The following NTRK3 variants were observed in gnomAD, a reference collection of about 807,000 sequenced individuals.
NTRK3 encodes NT-3 growth factor receptor.
NTRK3 carries 24 observed loss-of-function variants against 91.7 expected under a neutral mutation model. That is an observed-to-expected ratio of 0.26 (90% CI 0.19 to 0.37). NTRK3 has a LOEUF of 0.37. NTRK3 is among the 10% of genes least tolerant of loss of function. NTRK3 has a pLI of 1.00. For synonymous variants in NTRK3, 483 were observed against 404.0 expected (o/e 1.20, Z -2.34); for missense variants, 880 against 1,068.9 (o/e 0.82, Z 2.46).
chr15:88,120,534 C>T (rs775240203), intron 13 of NTRK3, among the ~76,000 whole-genome samples: 9 of 152,132 alleles, frequency 5.9e-5, no homozygotes, highest in South Asian at 2.1e-4. Flanking sequence ...CCTTCCTTCC[C>T]GGCCTTCCCA....
At chr15:87,996,390 G>T (rs1400834625) in intron 14 of NTRK3, among the ~76,000 whole-genome samples, 2 of 152,166 alleles carry the variant, frequency 1.3e-5, no homozygotes, top group African/African-American at 4.8e-5. Context: ...ATACATTAGG[G>T]CTGGGATCGC....
intron 14 of NTRK3, among the ~76,000 whole-genome samples, chr15:88,009,481 A>C (rs1406966157): frequency 2.0e-5 from 3 of 152,212 alleles, no homozygotes; most frequent in Non-Finnish European, 2.9e-5. Flanking sequence ...ATGCAAGCCA[A>C]TTTTGACAGA....
rs1011054993 is a variant in NTRK3 at position 88,240,832 on chromosome 15, T to C, written c.248+15074A>G. ...TCACTGTGATGAGCTCAGTTTTCTC[T>C]AGAAGATTCCTCCAACGGGCTGCCC... On this transcript the variant is annotated intron_variant, in intron 3 of 18. Transcript: ENST00000394480. This position sits in a 1 kb window ranked among gnomAD's most constrained non-coding sequence, Gnocchi z 4.9. 6.6e-6 allele frequency among the ~76,000 whole-genome samples: 1 copy of C among 152,224 alleles called. No individual in the cohort carries two copies. The highest frequency in any genetic ancestry group is 2.4e-5 in the African/African-American group (1 of 41,470).
chr15:88,032,299 C>T (rs927773205), intron 14 of NTRK3, among the ~76,000 whole-genome samples: 1 of 152,090 alleles, frequency 6.6e-6, no homozygotes, highest in African/African-American at 2.4e-5. Flanking sequence ...TGCCCTGAGC[C>T]CTCTGGTCTG....
intron 14 of NTRK3, chr15:87,979,209 G>A: frequency 1.3e-6 from 1 of 761,366 alleles, no homozygotes; most frequent in Non-Finnish European, 2.4e-6. Flanking sequence ...GTTAAAGGGT[G>A]CCGGGGCACT....
intron 13 of NTRK3, among the ~76,000 whole-genome samples, chr15:88,061,970 C>G (rs920022795): frequency 2.0e-5 from 3 of 151,840 alleles, no homozygotes; most frequent in Admixed American, 6.6e-5. Context: ...TTCAGCCAAC[C>G]GCAGATCAAA....
At chr15:88,072,402 A>C (rs969155429) in intron 13 of NTRK3, 3 of 215,308 alleles carry the variant, frequency 1.4e-5, no homozygotes, top group African/African-American at 4.5e-5. Flanking sequence ...GTTTTCTTTG[A>C]ATCAATTACA....
At chr15:88,155,097 A>C (rs1422419845) in intron 5 of NTRK3, among the ~76,000 whole-genome samples, 1 of 152,212 alleles carries the variant, frequency 6.6e-6, no homozygotes, top group Non-Finnish European at 1.5e-5. Context: ...ATCCACATCC[A>C]AATCTCGAGA....
At chr15:88,063,874 T>C (rs1225252954) in intron 13 of NTRK3, among the ~76,000 whole-genome samples, 1 of 152,228 alleles carries the variant, frequency 6.6e-6, no homozygotes, top group Non-Finnish European at 1.5e-5. Context: ...AGAACTACTT[T>C]TGCTTCTGTC....
intron 14 of NTRK3, among the ~76,000 whole-genome samples, chr15:87,986,446 A>C (rs978492434): frequency 6.6e-6 from 1 of 152,240 alleles, no homozygotes; most frequent in Admixed American, 6.5e-5. Context: ...CCCCATCACC[A>C]GAAGTAACCA....
chr15:88,122,963 G>A (rs1597439588), intron 13 of NTRK3, among the ~76,000 whole-genome samples: 2 of 152,178 alleles, frequency 1.3e-5, no homozygotes, highest in Admixed American at 1.3e-4. Context: ...GTCGCTCCTG[G>A]TCAAGTAGGA....
rs932350699 is a variant in NTRK3, at chr15:87,888,877, C to A, written c.2134-8449G>T. 2.7e-4 allele frequency among the ~76,000 whole-genome samples: 41 copies of A among 152,218 alleles called. 1 individual carries two copies. Among genetic ancestry groups the A allele is most frequent in the African/African-American group, 9.4e-4 (39 of 41,546 alleles). On this transcript the variant is annotated intron_variant, in intron 17 of 18. Coordinates refer to ENST00000394480, the Ensembl canonical transcript of NTRK3. Reference sequence around the variant, plus strand: ...ACCTGGTGAGGAAGTTGACATTATGCTCCAGAACATCCTCCTTTTATCCGC... The same window carrying A: ...ACCTGGTGAGGAAGTTGACATTATGATCCAGAACATCCTCCTTTTATCCGC...
At chr15:88,107,246 C>G (rs2050817468) in intron 13 of NTRK3, among the ~76,000 whole-genome samples, 1 of 152,026 alleles carries the variant, frequency 6.6e-6, no homozygotes, top group Admixed American at 6.6e-5. Flanking sequence ...AGTTCAGGAC[C>G]AGGCTGGGCA....
chr15:88,054,730 G>A (rs1428152300), intron 13 of NTRK3, among the ~76,000 whole-genome samples: 5 of 152,026 alleles, frequency 3.3e-5, no homozygotes, highest in East Asian at 1.9e-4. Flanking sequence ...ATATAGAAAT[G>A]CTCCTAGCTT....
intron 13 of NTRK3, among the ~76,000 whole-genome samples, chr15:88,071,250 A>G (rs978497090): frequency 1.1e-4 from 17 of 152,218 alleles, no homozygotes; most frequent in African/African-American, 2.2e-4. Flanking sequence ...AGCGGGTGCT[A>G]CTTTCCTCCT....
chr15:88,034,718 G>A (rs943011917), intron 13 of NTRK3, among the ~76,000 whole-genome samples: 1 of 152,208 alleles, frequency 6.6e-6, no homozygotes, highest in Admixed American at 6.5e-5. Context: ...ACTGGTAAAT[G>A]CAAATGGAGG....
chr15:88,129,921 G>C (rs374002523), intron 10 of NTRK3, among the ~76,000 whole-genome samples: 3 of 152,270 alleles, frequency 2.0e-5, no homozygotes, highest in African/African-American at 7.2e-5. Context: ...AAGGCCATTA[G>C]GGTGAGTCCT....
intron 3 of NTRK3, among the ~76,000 whole-genome samples, chr15:88,228,281 C>T (rs1354804196): frequency 2.0e-5 from 3 of 152,292 alleles, no homozygotes; most frequent in African/African-American, 7.2e-5. Context: ...TCTCCCACCC[C>T]CTCTTCCTAT....
At chr15:87,883,412 TA>T (rs2065362144) in intron 17 of NTRK3, among the ~76,000 whole-genome samples, 1 of 149,006 alleles carries the variant, frequency 6.7e-6, no homozygotes, top group Admixed American at 6.7e-5. Flanking sequence ...TGTGTATATA[TA>T]TATATAAAGA....
Sources: gnomAD v4.1 joint callset for allele counts (sites outside exome capture counted in the v4.1 genomes callset) on GRCh38, gnomAD v4.1.1 for gene constraint, Gnocchi (gnomAD v3.1) non-coding constraint, MANE v1.5 for transcripts, NCBI Gene and HGNC (gene_info 2026-07-23, HGNC 2026-07-21) for gene names.